DHCR7: variants seen among roughly 807,000 people sequenced by gnomAD.
DHCR7 encodes the protein 7-dehydrocholesterol reductase.
DHCR7 carries 40 observed loss-of-function variants against 43.3 expected under a neutral mutation model. The observed-to-expected ratio is 0.92, with a 90% CI of 0.72 to 1.20. The LOEUF is 1.20. Among genes scored for constraint, DHCR7 ranks in the 50% most tolerant of loss-of-function variants. DHCR7 has a pLI of 0.00. For missense variants in DHCR7, 608 were observed against 644.6 expected, an observed-to-expected ratio of 0.94 and a Z score of 0.62; for synonymous variants, 298 against 271.4, an observed-to-expected ratio of 1.10 and a Z score of -0.96.
At chr11:71,438,048 C>T (rs1441980554) in intron 7 of DHCR7, 105 bp from the exon 8 acceptor site, 8 of 1,369,978 alleles carry the variant, frequency 5.8e-6, no homozygotes, top group Non-Finnish European at 8.2e-6. Context: ...TGCTCGGGAG[C>T]TGCTCAGCAA....
At chr11:71,438,056 C>T in intron 7 of DHCR7, 113 bp from the exon 8 acceptor site, 3 of 1,237,122 alleles carry the variant, frequency 2.4e-6, no homozygotes, top group Non-Finnish European at 3.5e-6. Flanking sequence ...AGCTGCTCAG[C>T]AACTTCCTCA....
At chr11:71,441,541 G>T in intron 5 of DHCR7, 101 bp from the exon 6 acceptor site, 1 of 1,018,396 alleles carries the variant, frequency 9.8e-7, no homozygotes, top group Non-Finnish European at 1.5e-6. Flanking sequence ...TCACTTTCTG[G>T]GCCTCTGCTG....
downstream of DHCR7, among the ~76,000 whole-genome samples, chr11:71,433,474 A>T (rs1311146804): frequency 6.6e-6 from 1 of 152,230 alleles, no homozygotes; most frequent in Non-Finnish European, 1.5e-5. Flanking sequence ...ACCAAAAGCT[A>T]ACCTCAGCCA....
rs572135784 is a variant in DHCR7 at position 71,437,217 on chromosome 11, T to C, written c.963+595A>G. Among the ~76,000 whole-genome samples the C allele has an allele frequency of 2.5e-3, 382 of 152,296 alleles. 2 individuals carry two copies. The highest frequency in any genetic ancestry group is 9.0e-3 in the African/African-American group (374 of 41,566). On this transcript the variant is annotated intron_variant, in intron 8 of 8. Coordinates refer to ENST00000355527, the MANE Select transcript of DHCR7 (RefSeq NM_001360.3). ...TGACAGCCTCTCCACGTTGGTTCTCTCCACTTGGGCACAGCCTCTTGGGGC... is the reference window on the plus strand; with the variant it reads ...TGACAGCCTCTCCACGTTGGTTCTCCCCACTTGGGCACAGCCTCTTGGGGC...
intron 2 of DHCR7, among the ~76,000 whole-genome samples, chr11:71,446,206 G>A (rs1332419455): frequency 1.4e-5 from 2 of 138,550 alleles, no homozygotes; most frequent in South Asian, 2.2e-4. Flanking sequence ...GTGACAGCTC[G>A]GTTAGAGCAT....
intron 5 of DHCR7, 102 bp from the exon 6 acceptor site, chr11:71,441,542 G>C: frequency 9.9e-7 from 1 of 1,007,174 alleles, no homozygotes; most frequent in South Asian, 1.4e-5. Flanking sequence ...CACTTTCTGG[G>C]CCTCTGCTGC....
At position 71,445,077 on chromosome 11, in the gene DHCR7, G is replaced by T. The variant is rs145746132; in HGVS notation, c.-6-119C>A. On this transcript the variant is annotated intron_variant, in intron 2 of 8. Transcript: ENST00000355527. ...CTGGCCTCCTGTGCACATCTTCCCG[G>T]TACCTTGTTCCTGACAGCAGATTCC... 1.0e-3 allele frequency: 826 copies of T among 810,092 alleles called. 5 individuals are homozygous for T. The highest frequency in any genetic ancestry group is 4.6e-4 in the East Asian group (19 of 41,002). The allele number at this position is 810,092 out of a possible 1,614,324, so 50.2% of individuals were successfully genotyped here. A position where few individuals can be genotyped will look rare whatever the true frequency, so the allele number is the denominator to read the frequency against.
intron 2 of DHCR7, among the ~76,000 whole-genome samples, chr11:71,447,320 G>T (rs1949415573): frequency 6.6e-6 from 1 of 152,190 alleles, no homozygotes; most frequent in South Asian, 2.1e-4. Context: ...TGTCAAAAGG[G>T]ATTAAAACAA....
chr11:71,444,071 C>T lies in DHCR7; in HGVS notation c.243G>A (p.Arg81=). The T allele has an allele frequency of 6.2e-7, 1 of 1,613,686 alleles. No individual in the cohort carries two copies. Reference sequence around the variant, plus strand: ...GAGTCTTGGCCCAGATGTCCGAGAGCCGAGCATGTCCGGTGACGATGTCCA... The same window carrying T: ...GAGTCTTGGCCCAGATGTCCGAGAGTCGAGCATGTCCGGTGACGATGTCCA... ...PVVDIVTGHA[R]LSDIWAKTPP... is the part of the protein sequence containing the mutation. The change falls in exon 4 of 9, where the codon CGG becomes CGA. Residue 81 remains arginine (R), a synonymous_variant. Transcript: ENST00000355527.
chr11:71,444,590 C>T (rs964645694), intron 3 of DHCR7, among the ~76,000 whole-genome samples: 1 of 152,160 alleles, frequency 6.6e-6, no homozygotes, highest in Non-Finnish European at 1.5e-5. Flanking sequence ...ATAGGTCATA[C>T]CCCCAGATGG....
intron 7 of DHCR7, 108 bp downstream of exon 7, chr11:71,438,769 ACT>A (rs1437829342): frequency 3.4e-6 from 4 of 1,186,442 alleles, no homozygotes; most frequent in Non-Finnish European, 3.6e-6. Context: ...AGGGCAGCTG[ACT>A]CTCTTTTACA....
In DHCR7 at chr11:71,435,341, A is replaced by G; in HGVS notation, c.*34T>C. The G allele has an allele frequency of 1.9e-6, 3 of 1,604,762 alleles. No individual in the cohort carries two copies. The highest frequency in any genetic ancestry group is 2.5e-6 in the Non-Finnish European group (3 of 1,176,518). ...ATGGACCTGGCAGAACACGCTCTTG[A>G]CAGCCCCACAGGGCTTCTCCCTAGG... On this transcript the variant is annotated 3_prime_UTR_variant, in exon 9 of 9. Coordinates refer to ENST00000355527, the MANE Select transcript of DHCR7 (RefSeq NM_001360.3).
At chr11:71,431,752 C>T (rs558403930), downstream of DHCR7, among the ~76,000 whole-genome samples, 4 of 152,224 alleles carry the variant, frequency 2.6e-5, no homozygotes, top group Non-Finnish European at 4.4e-5. Context: ...CTATTACCTC[C>T]GCTATGCAGC....
In DHCR7 at chr11:71,437,022, G is replaced by C. The variant is rs78776032; in HGVS notation, c.963+790C>G. On this transcript the variant is annotated intron_variant, in intron 8 of 8. Coordinates refer to ENST00000355527, the MANE Select transcript of DHCR7 (RefSeq NM_001360.3). ...AGAAATGGGGCCGGGTGGGCCATGC[G>C]GGGGGCTCCAAGGACCTGGTGTGAG... Among the ~76,000 whole-genome samples, 925 of 152,254 alleles carry C rather than the reference G, an allele frequency of 6.1e-3. 8 individuals carry two copies. Among genetic ancestry groups the C allele is most frequent in the African/African-American group, 0.021 (861 of 41,560 alleles).
intron 6 of DHCR7, 129 bp downstream of exon 6, chr11:71,441,098 T>A: frequency 1.2e-6 from 1 of 861,618 alleles, no homozygotes. Flanking sequence ...GCAAGTTCCA[T>A]CCCCCTCCTC....
chr11:71,437,390 G>A lies in DHCR7; in HGVS notation c.963+422C>T, dbSNP rs552562050. On this transcript the variant is annotated intron_variant, in intron 8 of 8. Transcript: ENST00000355527. Reference sequence around the variant, plus strand: ...CAGCACTCTCCCCAAATCAGAGCAGGGCTGCTCTCGTTGAGCTGGGAGGGG... The same window carrying A: ...CAGCACTCTCCCCAAATCAGAGCAGAGCTGCTCTCGTTGAGCTGGGAGGGG... Among the ~76,000 whole-genome samples, 13 of 152,180 alleles carry A rather than the reference G, an allele frequency of 8.5e-5. No individual in the cohort carries two copies. In the South Asian group the frequency reaches 1.4e-3, roughly 17 times the overall value.
At chr11:71,444,330 C>G in intron 3 of DHCR7, 115 bp from the exon 4 acceptor site, 1 of 857,776 alleles carries the variant, frequency 1.2e-6, no homozygotes, top group Non-Finnish European at 1.9e-6. Context: ...TACCCCATGA[C>G]AGAAGGCATT....
chr11:71,441,307 C>T lies in DHCR7; in HGVS notation c.546G>A (p.Trp182Ter), dbSNP rs1032242817. The change falls in exon 6 of 9, where the codon TGG (tryptophan) becomes TGA (stop). Residue 182 changes from tryptophan (W) to a stop codon, truncating the protein, a stop_gained. Coordinates refer to ENST00000355527, the MANE Select transcript of DHCR7 (RefSeq NM_001360.3). LOFTEE classifies it high-confidence loss of function. ...IIFDNWIPLL[W>*]CANILGYAVS... is the part of the protein sequence containing the mutation. ...CGGCATAGCCAAGGATGTTGGCGCA[C>T]CACAGCAGTGGGATCCAGTTGTCGA... 42 of 1,614,104 alleles carry T rather than the reference C, an allele frequency of 2.6e-5. No individual in the cohort carries two copies. The highest frequency in any genetic ancestry group is 3.6e-5 in the Non-Finnish European group (42 of 1,180,046).
exon 3 of DHCR7, chr11:71,428,578 G>A (rs992230943): frequency 7.0e-5 from 18 of 257,058 alleles, no homozygotes; most frequent in Admixed American, 1.0e-4. Flanking sequence ...CAGCCATTTC[G>A]CACATGGCAG....
Sources: allele counts gnomAD v4.1 joint callset (sites outside exome capture counted in the v4.1 genomes callset), GRCh38; gene constraint gnomAD v4.1.1; transcripts MANE v1.5; gene names NCBI Gene and HGNC (gene_info 2026-07-23, HGNC 2026-07-21).